RBFOX1: variants seen among roughly 807,000 people sequenced by gnomAD.
The protein encoded by RBFOX1 is RNA binding protein fox-1 homolog 1.
RBFOX1 carries 8 observed loss-of-function variants against 57.7 expected under a neutral mutation model. The ratio of observed to expected loss-of-function variants is 0.14; its 90% CI spans 0.08 to 0.25. The LOEUF is 0.25. Ranked by LOEUF, RBFOX1 falls within the 10% of genes least tolerant of loss-of-function variation. The probability of loss-of-function intolerance (pLI) is 1.00; values close to 1 mark genes in which losing one functional copy is unlikely to be tolerated. For synonymous variants in RBFOX1, 326 were observed against 222.4 expected (o/e 1.47, Z -4.15); for missense variants, 611 against 548.5 (o/e 1.11, Z -1.14).
At chr16:5,276,698 G>T (rs1192393370) in intron 1 of RBFOX1, among the ~76,000 whole-genome samples, 1 of 152,150 alleles carries the variant, frequency 6.6e-6, no homozygotes, top group Non-Finnish European at 1.5e-5. Flanking sequence ...CAGGAGAATT[G>T]CTTGAACCCA....
intron 4 of RBFOX1, 48 bp from the exon 5 acceptor site, chr16:7,518,099 G>A (rs928685169): frequency 3.2e-6 from 5 of 1,571,226 alleles, no homozygotes; most frequent in Non-Finnish European, 4.3e-6. Context: ...TCTGCATGGT[G>A]GCTCCTCATG....
intron 2 of RBFOX1, among the ~76,000 whole-genome samples, chr16:6,357,525 C>G (rs550678595): frequency 6.6e-6 from 1 of 152,148 alleles, no homozygotes; most frequent in South Asian, 2.1e-4. Flanking sequence ...GCCTTTTTTA[C>G]TAGGTGGAGG....
At chr16:6,821,394 G>A (rs1191120812) in intron 3 of RBFOX1, among the ~76,000 whole-genome samples, 1 of 152,160 alleles carries the variant, frequency 6.6e-6, no homozygotes, top group Non-Finnish European at 1.5e-5. Context: ...AAATTTCATT[G>A]AGGTGTATTC....
rs188281047 is a variant in RBFOX1 at position 5,931,804 on chromosome 16, C to T, written c.351+64469C>T. ...TGGAACTTGAATATGATGCATTTTACTGCTGTGATTAGATTGTTATGTGGC... is the reference window on the plus strand; with the variant it reads ...TGGAACTTGAATATGATGCATTTTATTGCTGTGATTAGATTGTTATGTGGC... On this transcript the variant is annotated intron_variant, in intron 4 of 19. Coordinates refer to the RBFOX1 transcript ENST00000641259. Among the ~76,000 whole-genome samples the T allele has an allele frequency of 1.8e-3, 281 of 152,252 alleles. 1 individual carries two copies. The highest frequency in any genetic ancestry group is 6.4e-3 in the African/African-American group (266 of 41,536).
chr16:6,107,602 C>T (rs536669664), intron 1 of RBFOX1, among the ~76,000 whole-genome samples: 5 of 151,764 alleles, frequency 3.3e-5, no homozygotes, highest in East Asian at 3.9e-4. Flanking sequence ...TATGGATGCA[C>T]GGATGGATGG....
chr16:5,515,603 C>G (rs936285379), intron 2 of RBFOX1, among the ~76,000 whole-genome samples: 1 of 152,180 alleles, frequency 6.6e-6, no homozygotes, highest in African/African-American at 2.4e-5. Context: ...AATGGAAAAT[C>G]CTTATGCCTG....
intron 1 of RBFOX1, chr16:5,240,152 G>T (rs865840108): frequency 7.0e-6 from 9 of 1,284,764 alleles, no homozygotes; most frequent in Non-Finnish European, 9.7e-6. Flanking sequence ...GGGCGCGGGG[G>T]TGCCGGAGAC....
At chr16:6,359,960 A>G (rs1291556261) in intron 2 of RBFOX1, among the ~76,000 whole-genome samples, 1 of 152,236 alleles carries the variant, frequency 6.6e-6, no homozygotes, top group East Asian at 1.9e-4. Context: ...CGTGATTTCA[A>G]AAACACCATT....
At chr16:6,871,506 TTCCTC>T (rs2060875823) in intron 3 of RBFOX1, among the ~76,000 whole-genome samples, 1 of 152,028 alleles carries the variant, frequency 6.6e-6, no homozygotes. Context: ...TCTTGACTCT[TTCCTC>T]TCCCTTATCC....
chr16:6,004,625 G>C (rs983618695), intron 4 of RBFOX1, among the ~76,000 whole-genome samples: 2 of 152,108 alleles, frequency 1.3e-5, no homozygotes, highest in Non-Finnish European at 2.9e-5. Flanking sequence ...CAAAATAATG[G>C]AAGCCTTTCA....
intron 3 of RBFOX1, among the ~76,000 whole-genome samples, chr16:5,727,173 A>G (rs2151550144): frequency 6.6e-6 from 1 of 152,290 alleles, no homozygotes; most frequent in East Asian, 1.9e-4. Flanking sequence ...AAGCTGAGGC[A>G]GGAGAATTGC....
At chr16:7,365,820 T>G (rs919979746) in intron 4 of RBFOX1, among the ~76,000 whole-genome samples, 14 of 152,208 alleles carry the variant, frequency 9.2e-5, no homozygotes, top group East Asian at 1.9e-4. Context: ...GATACAGGTA[T>G]CTCTTACGTG....
At chr16:7,010,561 T>C (rs1461355723) in intron 3 of RBFOX1, among the ~76,000 whole-genome samples, 1 of 151,976 alleles carries the variant, frequency 6.6e-6, no homozygotes, top group African/African-American at 2.4e-5. Flanking sequence ...TGTTTGTTTC[T>C]TTTTTTGAGA....
chr16:5,285,001 T>C (rs2063358741), intron 1 of RBFOX1, among the ~76,000 whole-genome samples: 1 of 152,038 alleles, frequency 6.6e-6, no homozygotes, highest in South Asian at 2.1e-4. Flanking sequence ...TGGATCTATA[T>C]CATTTGCAAG....
At chr16:5,670,890 G>A (rs530643967) in intron 3 of RBFOX1, among the ~76,000 whole-genome samples, 2 of 152,296 alleles carry the variant, frequency 1.3e-5, no homozygotes, top group Non-Finnish European at 2.9e-5. Flanking sequence ...GCCCTGAAAG[G>A]TAGGTGCTAT....
chr16:6,245,959 G>C (rs1308136013), intron 1 of RBFOX1, among the ~76,000 whole-genome samples: 1 of 152,100 alleles, frequency 6.6e-6, no homozygotes, highest in Non-Finnish European at 1.5e-5. Flanking sequence ...GTCAAAATAT[G>C]CAGTTTACTT....
chr16:7,378,009 C>G (rs532805520), intron 4 of RBFOX1, among the ~76,000 whole-genome samples: 2 of 152,230 alleles, frequency 1.3e-5, no homozygotes, highest in East Asian at 3.9e-4. Flanking sequence ...TGCAAAGTCT[C>G]TAAAGTTAGA....
chr16:6,155,658 C>A (rs1055136827), intron 1 of RBFOX1, among the ~76,000 whole-genome samples: 3 of 152,160 alleles, frequency 2.0e-5, no homozygotes, highest in African/African-American at 7.2e-5. Context: ...ACTTTCTATC[C>A]CACCAACTCT....
chr16:7,111,986 G>C (rs561943560), intron 4 of RBFOX1, among the ~76,000 whole-genome samples: 68 of 152,262 alleles, frequency 4.5e-4, no homozygotes, highest in African/African-American at 1.5e-3. Flanking sequence ...TTGAAGGACA[G>C]ATACAGTTTG....
Sources: gnomAD v4.1 joint callset for allele counts (sites outside exome capture counted in the v4.1 genomes callset) on GRCh38, gnomAD v4.1.1 for gene constraint, MANE v1.5 for transcripts, NCBI Gene and HGNC (gene_info 2026-07-23, HGNC 2026-07-21) for gene names.